Variants in CNTN5 observed in about 807,000 individuals in gnomAD.
CNTN5 encodes contactin-5.
A neutral mutation model predicts 129.1 loss-of-function variants in CNTN5; 77 were observed. The ratio of observed to expected loss-of-function variants is 0.60; its 90% CI spans 0.50 to 0.72. CNTN5 has a LOEUF of 0.72. CNTN5 is among the 30% of genes least tolerant of loss of function. CNTN5 has a pLI of 0.00. For missense variants in CNTN5, 1,478 were observed against 1,328.8 expected (o/e 1.11, Z -1.75); for synonymous variants, 509 against 465.6 (o/e 1.09, Z -1.20).
intron 3 of CNTN5, among the ~76,000 whole-genome samples, chr11:99,716,045 T>C (rs1280624252): frequency 6.6e-6 from 1 of 152,044 alleles, no homozygotes; most frequent in African/African-American, 2.4e-5. Flanking sequence ...TTTGGAAGAT[T>C]TTCTTAGAGA....
At chr11:100,222,619 C>T (rs1025645058) in intron 15 of CNTN5, among the ~76,000 whole-genome samples, 1 of 151,550 alleles carries the variant, frequency 6.6e-6, no homozygotes, top group Admixed American at 6.6e-5. Context: ...AAACTGCCAC[C>T]AGTATGGTTT....
intron 3 of CNTN5, among the ~76,000 whole-genome samples, chr11:99,722,433 G>T (rs1943203795): frequency 6.6e-6 from 1 of 152,054 alleles, no homozygotes; most frequent in South Asian, 2.1e-4. Flanking sequence ...TAAATGATGA[G>T]AACTTATGAA....
At chr11:99,545,243 C>T (rs956030404) in intron 2 of CNTN5, among the ~76,000 whole-genome samples, 2 of 152,132 alleles carry the variant, frequency 1.3e-5, no homozygotes, top group Non-Finnish European at 2.9e-5. Context: ...CAAACATTGC[C>T]TTGGAATTAT....
intron 2 of CNTN5, among the ~76,000 whole-genome samples, chr11:99,435,758 G>A (rs1309575854): frequency 6.6e-6 from 1 of 152,130 alleles, no homozygotes; most frequent in African/African-American, 2.4e-5. Context: ...CTTGCATAGT[G>A]ACCTACCATC....
At chr11:100,143,254 G>A (rs189254635) in intron 13 of CNTN5, among the ~76,000 whole-genome samples, 26 of 152,052 alleles carry the variant, frequency 1.7e-4, no homozygotes, top group Admixed American at 5.2e-4. Context: ...CTTCATTGAC[G>A]ACATCTATAA....
At chr11:99,145,394 A>T (rs1940496) in intron 1 of CNTN5, among the ~76,000 whole-genome samples, 5 of 151,662 alleles carry the variant, frequency 3.3e-5, no homozygotes, top group Non-Finnish European at 7.4e-5. Flanking sequence ...TTTTCTGTAG[A>T]TGTGTCTATA....
chr11:100,286,261 A>G (rs1950787646), intron 18 of CNTN5, among the ~76,000 whole-genome samples: 2 of 152,220 alleles, frequency 1.3e-5, no homozygotes, highest in African/African-American at 4.8e-5. Flanking sequence ...ACCACAGCTC[A>G]AGGAGGCCAG....
chr11:99,933,385 T>C (rs1409306430), intron 7 of CNTN5, among the ~76,000 whole-genome samples: 1 of 152,198 alleles, frequency 6.6e-6, no homozygotes, highest in Non-Finnish European at 1.5e-5. Flanking sequence ...CAGCAACTTT[T>C]AAGTGTATAA....
chr11:99,903,944 A>C (rs1591392582), intron 6 of CNTN5, among the ~76,000 whole-genome samples: 1 of 152,180 alleles, frequency 6.6e-6, no homozygotes, highest in Non-Finnish European at 1.5e-5. Flanking sequence ...GGGAAATTCA[A>C]ATCAGACCAC....
intron 2 of CNTN5, among the ~76,000 whole-genome samples, chr11:99,378,158 A>T (rs547192061): frequency 6.6e-6 from 1 of 152,236 alleles, no homozygotes; most frequent in South Asian, 2.1e-4. Context: ...AATTTGTGGG[A>T]ACACTACTCT....
intron 2 of CNTN5, among the ~76,000 whole-genome samples, chr11:99,530,968 C>T (rs1016474680): frequency 8.5e-5 from 13 of 152,260 alleles, no homozygotes; most frequent in African/African-American, 3.1e-4. Context: ...TAGAGTCGGG[C>T]GTTGCTGAAA....
chr11:99,606,792 C>T (rs1405781643), intron 3 of CNTN5, among the ~76,000 whole-genome samples: 1 of 140,762 alleles, frequency 7.1e-6, no homozygotes, highest in Non-Finnish European at 1.6e-5. Context: ...GAAATAATGC[C>T]GCATATCTAC....
chr11:100,158,511 G>A (rs1324989993), intron 13 of CNTN5, among the ~76,000 whole-genome samples: 1 of 151,632 alleles, frequency 6.6e-6, no homozygotes. Context: ...ATAAAGCTGG[G>A]AAAAATGCGA....
intron 9 of CNTN5, among the ~76,000 whole-genome samples, chr11:100,008,068 A>G (rs1238973960): frequency 1.3e-5 from 2 of 152,062 alleles, no homozygotes; most frequent in Non-Finnish European, 2.9e-5. Context: ...ACATACATTT[A>G]TTATTTTAGT....
Position 100,058,181 on chromosome 11 carries a change from A to G in CNTN5, c.981-3031A>G, listed in dbSNP as rs186728034. Among the ~76,000 whole-genome samples the G allele has an allele frequency of 7.6e-4, 115 of 152,264 alleles. 1 individual carries two copies. The highest frequency in any genetic ancestry group is 2.7e-3 in the African/African-American group (111 of 41,586). On this transcript the variant is annotated intron_variant, in intron 9 of 24. Transcript: ENST00000524871. ...GTTTTCTAGTGAAATGTGAATTGCC[A>G]AAGTTGGCATAAGCAGAAATTTAAA... is the stretch of plus-strand genomic sequence containing the variant.
At position 99,133,615 on chromosome 11, in the gene CNTN5, C is replaced by CAAAAAAAAAAAAA. The variant is rs566769880; in HGVS notation, c.-210+112347_-210+112348insAAAAAAAAAAAAA. The stretch of plus-strand genomic sequence containing the variant: ...GCAAAGGATAGGAACAGACACTTCT[C>CAAAAAAAAAAAAA]AAGAAAAAAAAAAGACCATACATGC... On this transcript the variant is annotated intron_variant, in intron 1 of 24. Coordinates refer to ENST00000524871, the MANE Select transcript of CNTN5 (RefSeq NM_014361.4). 1.9e-4 allele frequency among the ~76,000 whole-genome samples: 20 copies of CAAAAAAAAAAAAA among 105,982 alleles called. 2 individuals are homozygous for CAAAAAAAAAAAAA. The highest frequency in any genetic ancestry group is 2.8e-4 in the East Asian group (1 of 3,562). 69.5% of individuals were successfully genotyped at this position (105,982 alleles called of 152,430 possible). A position where few individuals can be genotyped will look rare whatever the true frequency, so the allele number is the denominator to read the frequency against.
chr11:99,591,097 C>T (rs552144773), intron 3 of CNTN5, among the ~76,000 whole-genome samples: 15 of 152,212 alleles, frequency 9.9e-5, no homozygotes, highest in South Asian at 4.1e-4. Flanking sequence ...AACATCTCCA[C>T]GTTGGCCCAG....
At chr11:99,457,399 A>G (rs924774995) in intron 2 of CNTN5, among the ~76,000 whole-genome samples, 1 of 151,864 alleles carries the variant, frequency 6.6e-6, no homozygotes, top group African/African-American at 2.4e-5. Context: ...TAAAGGAGGA[A>G]GCTGTTGTTT....
At chr11:99,370,858 T>C (rs1207447518) in intron 2 of CNTN5, among the ~76,000 whole-genome samples, 1 of 152,202 alleles carries the variant, frequency 6.6e-6, no homozygotes, top group African/African-American at 2.4e-5. Flanking sequence ...ATTTAGATAA[T>C]GGCAAAAGAT....
Sources: allele counts gnomAD v4.1 joint callset (sites outside exome capture counted in the v4.1 genomes callset), GRCh38; gene constraint gnomAD v4.1.1; transcripts MANE v1.5; gene names NCBI Gene and HGNC (gene_info 2026-07-23, HGNC 2026-07-21).